DYM: variants seen among roughly 807,000 people sequenced by gnomAD.
DYM encodes the protein dymeclin, also known as dyggve-Melchior-Clausen syndrome protein.
Under a neutral mutation model 93.1 loss-of-function variants are expected in DYM, and 78 were observed. The ratio of observed to expected loss-of-function variants is 0.84; its 90% CI spans 0.70 to 1.01. The LOEUF is 1.01. DYM is among the 50% of genes least tolerant of loss of function. The pLI is 0.00. For missense variants in DYM, 789 were observed against 845.0 expected, an observed-to-expected ratio of 0.93 and a Z score of 0.82; for synonymous variants, 321 against 319.7, an observed-to-expected ratio of 1.00 and a Z score of -0.04.
At chr18:49,195,941 T>TTTTTTTA (rs2091406492) in intron 14 of DYM, among the ~76,000 whole-genome samples, 1 of 118,332 alleles carries the variant, frequency 8.5e-6, no homozygotes, top group South Asian at 2.9e-4. Context: ...TTTTTTTTTT[T>TTTTTTTA]GAGACGGAGC....
chr18:49,171,093 CAG>C (rs1418192618), intron 14 of DYM, among the ~76,000 whole-genome samples: 2 of 152,030 alleles, frequency 1.3e-5, no homozygotes. Context: ...TATCCACTGT[CAG>C]AGGGGAGGAG....
chr18:49,405,012 CAAA>C (rs199975015), intron 2 of DYM, among the ~76,000 whole-genome samples: 24 of 102,166 alleles, frequency 2.3e-4, no homozygotes, highest in African/African-American at 5.0e-4. Flanking sequence ...GACTCCATCT[CAAA>C]AAAAAAAAAA....
intron 11 of DYM, among the ~76,000 whole-genome samples, chr18:49,268,597 G>A (rs1424409007): frequency 6.6e-6 from 1 of 152,038 alleles, no homozygotes; most frequent in Non-Finnish European, 1.5e-5. Context: ...ATTTTGTCAT[G>A]TTTGCTTCAA....
At chr18:49,094,408 T>G (rs1180997413) in intron 17 of DYM, among the ~76,000 whole-genome samples, 2 of 152,212 alleles carry the variant, frequency 1.3e-5, no homozygotes, top group African/African-American at 4.8e-5. Flanking sequence ...TTTATTTATT[T>G]CCTTCCAAAT....
At chr18:49,102,192 G>A (rs997806983) in intron 16 of DYM, among the ~76,000 whole-genome samples, 3 of 152,186 alleles carry the variant, frequency 2.0e-5, no homozygotes, top group Non-Finnish European at 4.4e-5. Flanking sequence ...AAGAGCTAAC[G>A]CTCTGTGAGC....
intron 13 of DYM, among the ~76,000 whole-genome samples, chr18:49,236,733 C>T (rs2093878253): frequency 6.6e-6 from 1 of 152,196 alleles, no homozygotes; most frequent in Admixed American, 6.5e-5. Flanking sequence ...TGTGAACTTG[C>T]TCCCAAAAGG....
intron 15 of DYM, among the ~76,000 whole-genome samples, chr18:49,141,492 C>T (rs1336077513): frequency 6.6e-6 from 1 of 152,180 alleles, no homozygotes; most frequent in Non-Finnish European, 1.5e-5. Flanking sequence ...ACACTCCAAA[C>T]TATACTGGCC....
chr18:49,446,887 C>T (rs930417723), intron 1 of DYM, among the ~76,000 whole-genome samples: 10 of 151,854 alleles, frequency 6.6e-5, no homozygotes, highest in African/African-American at 1.9e-4. Context: ...GGTGAAATTC[C>T]GTCTCTACTA....
intron 11 of DYM, among the ~76,000 whole-genome samples, chr18:49,264,597 G>A (rs1310408391): frequency 1.3e-5 from 2 of 152,070 alleles, no homozygotes; most frequent in Admixed American, 6.5e-5. Context: ...ATGAAGCATC[G>A]GGTTGAACGA....
At position 49,403,482 on chromosome 18, in the gene DYM, A is replaced by C. The variant is rs554172702; in HGVS notation, c.141-11837T>G. ...ATTTGATACAGCCATCTTGTGAAAA[A>C]GGAATAGCAGGTAGTATTTCTATTA... is the stretch of plus-strand genomic sequence containing the variant. On this transcript the variant is annotated intron_variant, in intron 2 of 17. Coordinates refer to ENST00000675505, the MANE Select transcript of DYM (RefSeq NM_001353214.3). Among the ~76,000 whole-genome samples the C allele has an allele frequency of 2.6e-5, 4 of 152,250 alleles. No individual in the cohort carries two copies. The South Asian group carries it at 8.3e-4, about 31-fold the overall frequency.
At chr18:49,435,225 AAAAG>A (rs1420651257) in intron 1 of DYM, among the ~76,000 whole-genome samples, 1 of 150,998 alleles carries the variant, frequency 6.6e-6, no homozygotes, top group Non-Finnish European at 1.5e-5. Flanking sequence ...AAAAAAAAAA[AAAAG>A]AAGTGAAATG....
chr18:49,191,215 A>G (rs925179844), intron 14 of DYM, among the ~76,000 whole-genome samples: 3 of 152,160 alleles, frequency 2.0e-5, no homozygotes, highest in Non-Finnish European at 4.4e-5. Context: ...AATAAATACA[A>G]TTGTTAGTAA....
At chr18:49,122,628 GTAA>G (rs1225547181) in intron 15 of DYM, among the ~76,000 whole-genome samples, 1 of 152,146 alleles carries the variant, frequency 6.6e-6, no homozygotes, top group African/African-American at 2.4e-5. Flanking sequence ...ATATTACAAT[GTAA>G]TAATAATAGA....
At position 49,147,037 on chromosome 18, in the gene DYM, T is replaced by C. The variant is rs893013444; in HGVS notation, c.1728+16648A>G. Among the ~76,000 whole-genome samples the C allele has an allele frequency of 4.5e-4, 68 of 152,050 alleles. 1 individual carries two copies. In the East Asian group the frequency reaches 0.012, roughly 27 times the overall value. On this transcript the variant is annotated intron_variant, in intron 15 of 17. Coordinates refer to ENST00000675505, the MANE Select transcript of DYM (RefSeq NM_001353214.3). ...AACAGAACAGAGCCCTCAGAAATAA[T>C]GCCGCATATCTACAACTATCTGATC...
chr18:49,205,207 C>T (rs567227242), intron 14 of DYM, among the ~76,000 whole-genome samples: 3 of 152,340 alleles, frequency 2.0e-5, no homozygotes, highest in Non-Finnish European at 4.4e-5. Flanking sequence ...GGTGATCCAC[C>T]TGCCTCAGCC....
Position 49,163,788 on chromosome 18 carries a change from C to G in DYM, c.1626-1G>C. On this transcript the variant is annotated splice_acceptor_variant, in intron 14 of 17. Coordinates refer to ENST00000675505, the MANE Select transcript of DYM (RefSeq NM_001353214.3). LOFTEE classifies it high-confidence loss of function. ...TTTTTTAGACAGCAAAGAAAATAAA[C>G]TGGAAAAACAAACAAAAAACCAATT... 1 of 1,600,142 alleles carries G rather than the reference C, an allele frequency of 6.2e-7. No homozygotes were observed. Among genetic ancestry groups the G allele is most frequent in the Non-Finnish European group, 8.5e-7 (1 of 1,170,980 alleles).
At chr18:49,235,527 G>A (rs1471253291) in intron 13 of DYM, among the ~76,000 whole-genome samples, 2 of 152,076 alleles carry the variant, frequency 1.3e-5, no homozygotes, top group Non-Finnish European at 2.9e-5. Context: ...CACTTTCTTA[G>A]TTGCAACAAA....
At chr18:49,108,391 G>A (rs1315143825) in intron 16 of DYM, among the ~76,000 whole-genome samples, 2 of 152,308 alleles carry the variant, frequency 1.3e-5, no homozygotes, top group African/African-American at 2.4e-5. Context: ...CGGCTCACGC[G>A]CAGTGCGCTG....
chr18:49,317,602 C>T (rs1474912159), intron 8 of DYM, among the ~76,000 whole-genome samples: 1 of 3,870 alleles, frequency 2.6e-4, no homozygotes, highest in African/African-American at 7.8e-4. Context: ...TCTCTCCCCC[C>T]TCCCCCCTCC....
Sources: allele counts gnomAD v4.1 joint callset (sites outside exome capture counted in the v4.1 genomes callset), GRCh38; gene constraint gnomAD v4.1.1; transcripts MANE v1.5; gene names NCBI Gene and HGNC (gene_info 2026-07-23, HGNC 2026-07-21).